The following CNTN6 variants were observed in gnomAD, a reference collection of about 807,000 sequenced individuals.
CNTN6 encodes the protein contactin 6.
Under a neutral mutation model 122.8 loss-of-function variants are expected in CNTN6, and 137 were observed. The ratio of observed to expected loss-of-function variants is 1.12; its 90% confidence interval spans 0.97 to 1.29. The LOEUF (loss-of-function observed/expected upper bound fraction) is 1.29. CNTN6 is among the 50% of genes most tolerant of loss of function. The pLI is 0.00. For synonymous variants in CNTN6, 570 were observed against 426.0 expected, an observed-to-expected ratio of 1.34 and a Z score of -4.16; for missense variants, 1,634 against 1,223.4, an observed-to-expected ratio of 1.34 and a Z score of -5.01.
chr3:1,338,526 C>T (rs1703424593), intron 11 of CNTN6, among the ~76,000 whole-genome samples: 1 of 152,070 alleles, frequency 6.6e-6, no homozygotes, highest in Non-Finnish European at 1.5e-5. Flanking sequence ...CTGTTCCACC[C>T]CAGAACTTTG....
At chr3:1,400,984 G>A (rs1221638856) in intron 20 of CNTN6, among the ~76,000 whole-genome samples, 1 of 152,020 alleles carries the variant, frequency 6.6e-6, no homozygotes, top group Non-Finnish European at 1.5e-5. Flanking sequence ...TTGTGTTACA[G>A]TTAGAAAGCT....
At chr3:1,254,998 C>T (rs1040360590) in intron 4 of CNTN6, among the ~76,000 whole-genome samples, 5 of 152,172 alleles carry the variant, frequency 3.3e-5, no homozygotes, top group Middle Eastern at 3.4e-3. Context: ...TAATTCATTA[C>T]GTATTGTTGG....
At chr3:1,139,579 TG>T (rs1163544201) in intron 1 of CNTN6, among the ~76,000 whole-genome samples, 1 of 152,106 alleles carries the variant, frequency 6.6e-6, no homozygotes, top group Non-Finnish European at 1.5e-5. Context: ...CTAAAAATAT[TG>T]TTTTAAAAAA....
chr3:1,183,523 C>T (rs927488812), intron 2 of CNTN6, among the ~76,000 whole-genome samples: 2 of 151,780 alleles, frequency 1.3e-5, no homozygotes, highest in Admixed American at 6.6e-5. Flanking sequence ...CAATACACAA[C>T]TAGATTTCAT....
rs1462921373 is a variant in CNTN6 at position 1,100,972 on chromosome 3, A to G, written c.-83+7852A>G. Among the ~76,000 whole-genome samples the G allele has an allele frequency of 2.0e-5, 3 of 152,272 alleles. No homozygotes were observed. The East Asian group carries it at 5.8e-4, about 29-fold the overall frequency. On this transcript the variant is annotated intron_variant, in intron 1 of 22. Coordinates refer to ENST00000446702, the MANE Select transcript of CNTN6 (RefSeq NM_001289080.2). ...TGGTGCTCATAATTTTTTTATGACA[A>G]ATTCACCTTCAACAGATGTTGTTTT...
At chr3:1,129,025 T>C (rs2092261907) in intron 1 of CNTN6, among the ~76,000 whole-genome samples, 1 of 151,976 alleles carries the variant, frequency 6.6e-6, no homozygotes, top group African/African-American at 2.4e-5. Context: ...TGTAAATACA[T>C]AGAAGGTAAA....
chr3:1,121,743 G>A (rs978605993), intron 1 of CNTN6, among the ~76,000 whole-genome samples: 5 of 151,890 alleles, frequency 3.3e-5, no homozygotes, highest in African/African-American at 1.2e-4. Context: ...AAGTAGTCTA[G>A]TAAGTGATGG....
At chr3:1,379,348 G>A (rs1248264929) in intron 17 of CNTN6, among the ~76,000 whole-genome samples, 1 of 152,138 alleles carries the variant, frequency 6.6e-6, no homozygotes, top group Non-Finnish European at 1.5e-5. Context: ...GCTGTTGCAT[G>A]AGACCATATA....
chr3:1,367,226 A>G (rs1372493486), intron 12 of CNTN6, among the ~76,000 whole-genome samples: 4 of 152,068 alleles, frequency 2.6e-5, no homozygotes, highest in Non-Finnish European at 4.4e-5. Flanking sequence ...TGTAGTCACC[A>G]TGCTGTGCCG....
chr3:1,282,211 C>T (rs768655187), intron 5 of CNTN6, among the ~76,000 whole-genome samples: 1 of 152,146 alleles, frequency 6.6e-6, no homozygotes, highest in Non-Finnish European at 1.5e-5. Flanking sequence ...GCTGTCCTTT[C>T]TTCTGCGTAA....
intron 5 of CNTN6, among the ~76,000 whole-genome samples, chr3:1,288,118 G>T (rs1043843473): frequency 1.3e-5 from 2 of 152,136 alleles, no homozygotes; most frequent in African/African-American, 4.8e-5. Flanking sequence ...CTCCAAGTAG[G>T]TTTGGCCAAT....
In CNTN6 at chr3:1,119,322, C is replaced by CGTGTGTGT. The variant is rs369235352; in HGVS notation, c.-83+26226_-83+26233dup. Among the ~76,000 whole-genome samples, 104 of 126,548 alleles carry CGTGTGTGT rather than the reference C, an allele frequency of 8.2e-4. 2 individuals are homozygous for CGTGTGTGT. Among genetic ancestry groups the CGTGTGTGT allele is most frequent in the African/African-American group, 2.0e-3 (66 of 32,612 alleles). 83.0% of individuals were successfully genotyped at this position (126,548 alleles called of 152,430 possible). A position where few individuals can be genotyped will look rare whatever the true frequency, so the allele number is the denominator to read the frequency against. On this transcript the variant is annotated intron_variant, in intron 1 of 22. Coordinates refer to ENST00000446702, the MANE Select transcript of CNTN6 (RefSeq NM_001289080.2). Reference sequence around the variant, plus strand: ...ATTTGAGAAAGAATAACAGAAAAATCGTGTGTGTGTGTGTGTGTGTGTGTG... The same window carrying CGTGTGTGT: ...ATTTGAGAAAGAATAACAGAAAAATCGTGTGTGTGTGTGTGTGTGTGTGTGTGTGTGTG...
chr3:1,387,076 G>A (rs1017194919), intron 20 of CNTN6, among the ~76,000 whole-genome samples: 2 of 152,090 alleles, frequency 1.3e-5, no homozygotes, highest in African/African-American at 2.4e-5. Context: ...AATAGGACAA[G>A]GCATTCCATT....
chr3:1,319,016 G>A (rs887676159), intron 7 of CNTN6, among the ~76,000 whole-genome samples: 1 of 151,374 alleles, frequency 6.6e-6, no homozygotes, highest in African/African-American at 2.4e-5. Context: ...TTGTATCAAA[G>A]GGAAAAAATG....
rs111307309 is a variant in CNTN6, at chr3:1,255,398, C to A, written c.359-23015C>A. ...AAGCCTATGAAATTGGAAGGGGCTA[C>A]GTAAGACATTTGAAAATGGAAAAAA... is the stretch of plus-strand genomic sequence containing the variant. On this transcript the variant is annotated intron_variant, in intron 4 of 22. Coordinates refer to ENST00000446702, the MANE Select transcript of CNTN6 (RefSeq NM_001289080.2). Among the ~76,000 whole-genome samples, 128 of 140,248 alleles carry A rather than the reference C, an allele frequency of 9.1e-4. 1 individual carries two copies. The highest frequency in any genetic ancestry group is 3.4e-3 in the African/African-American group (123 of 36,506). 92.0% of individuals were successfully genotyped at this position (140,248 alleles called of 152,430 possible). A position where few individuals can be genotyped will look rare whatever the true frequency, so the allele number is the denominator to read the frequency against.
In CNTN6 at chr3:1,329,836, A is replaced by G. The variant is rs761043709; in HGVS notation, c.1265A>G (p.Gln422Arg). Residue 422 changes from glutamine to arginine, a missense_variant, in exon 11 of 23, where the codon CAA becomes CGA. Gln to Arg is a conservative substitution (Grantham distance 43). Coordinates refer to ENST00000446702, the MANE Select transcript of CNTN6 (RefSeq NM_001289080.2). ...KSPVKKKSFV[Q>R]VGGDIVIGCK... ...CCAGTTAAAAAAAAGTCTTTTGTTC[A>G]AGTTGGTGGGGATATTGTTATCGGA... The G allele has an allele frequency of 6.2e-6, 10 of 1,610,024 alleles. No homozygotes were observed. In the South Asian group the frequency reaches 8.8e-5, roughly 14 times the overall value.
At chr3:1,253,234 A>G (rs979665878) in intron 4 of CNTN6, among the ~76,000 whole-genome samples, 1 of 152,108 alleles carries the variant, frequency 6.6e-6, no homozygotes, top group Non-Finnish European at 1.5e-5. Context: ...TTGTGACACC[A>G]TGTCCTTTAC....
chr3:1,269,115 T>TTAA (rs2094979271), intron 4 of CNTN6, among the ~76,000 whole-genome samples: 1 of 151,144 alleles, frequency 6.6e-6, no homozygotes, highest in Admixed American at 6.7e-5. Context: ...TCTACACACT[T>TTAA]TAATTGTATT....
intron 22 of CNTN6, 159 bp downstream of exon 22, chr3:1,402,645 C>T: frequency 1.8e-6 from 1 of 568,664 alleles, no homozygotes; most frequent in South Asian, 3.1e-5. Flanking sequence ...TTAAGTTATT[C>T]TCCAAAATTA....
Sources: gnomAD v4.1 joint callset for allele counts (sites outside exome capture counted in the v4.1 genomes callset) on GRCh38, gnomAD v4.1.1 for gene constraint, MANE v1.5 for transcripts, NCBI Gene and HGNC (gene_info 2026-07-23, HGNC 2026-07-21) for gene names.